Variants in PRG3 observed in about 807,000 individuals in gnomAD.
PRG3 encodes proteoglycan 3, pro eosinophil major basic protein 2.
Under a neutral mutation model 26.1 loss-of-function variants are expected in PRG3, and 25 were observed. The ratio of observed to expected loss-of-function variants is 0.96; its 90% CI spans 0.70 to 1.34. The LOEUF (loss-of-function observed/expected upper bound fraction) is 1.34, where lower values mean the gene tolerates loss of function less well. Ranked by LOEUF, PRG3 falls within the 40% of genes most tolerant of loss-of-function variation. The pLI is 0.00. For synonymous variants in PRG3, 111 were observed against 100.4 expected, an observed-to-expected ratio of 1.11 and a Z score of -0.63; for missense variants, 280 against 264.8, an observed-to-expected ratio of 1.06 and a Z score of -0.40.
At chr11:57,379,902 T>A (rs933920055) in intron 2 of PRG3, 95 bp from the exon 3 acceptor site, 3 of 1,175,282 alleles carry the variant, frequency 2.6e-6, no homozygotes, top group African/African-American at 1.5e-5. Context: ...TTCCTAGGAA[T>A]TCCACCTGAA....
chr11:57,380,804 T>G, intron 1 of PRG3, 23 bp from the exon 2 acceptor site: 1 of 836,118 alleles, frequency 1.2e-6, no homozygotes, highest in Non-Finnish European at 1.8e-6. Context: ...ATAGAGGGAA[T>G]ATTTGTTTAA....
chr11:57,379,328 G>A (rs1296576116), intron 3 of PRG3, among the ~76,000 whole-genome samples, 166 bp downstream of exon 3: 1 of 152,172 alleles, frequency 6.6e-6, no homozygotes, highest in Non-Finnish European at 1.5e-5. Flanking sequence ...TCCTAAATCA[G>A]AAGTCGTGCA....
rs532101046 is a variant in PRG3, at chr11:57,378,263, G to GA, written c.507+417dup. ...GAAGAAGGTCCCCATTTCAGGGATT[G>GA]AAAAAAAACAGAGGCTCCAAGAAAC... On this transcript the variant is annotated intron_variant, in intron 4 of 5. Transcript: ENST00000287143. Among the ~76,000 whole-genome samples, 7 of 151,614 alleles carry GA rather than the reference G, an allele frequency of 4.6e-5. No homozygotes were observed. The South Asian group carries it at 8.3e-4, about 18-fold the overall frequency.
intron 4 of PRG3, among the ~76,000 whole-genome samples, 153 bp downstream of exon 4, chr11:57,378,528 G>T (rs1856965269): frequency 2.0e-5 from 3 of 152,230 alleles, no homozygotes; most frequent in Admixed American, 2.0e-4. Flanking sequence ...TGCACCATCA[G>T]TTCTCCTGAG....
rs934744012 is a variant in PRG3 at position 57,380,666 on chromosome 11, CTG to C, written c.41_42del (p.Thr14SerfsTer9). 2.2e-5 allele frequency: 34 copies of C among 1,578,836 alleles called. No homozygotes were observed. Among genetic ancestry groups the C allele is most frequent in the Non-Finnish European group, 2.8e-5 (33 of 1,167,288 alleles). On this transcript the variant is annotated frameshift_variant, in exon 2 of 6. Transcript: ENST00000287143. LOFTEE classifies it high-confidence loss of function. ...LLLLPFLLLG[T>X]VSALHLENDA... is the part of the protein sequence containing the mutation. Reference sequence around the variant, plus strand: ...GACTTACCCAGATGAAGAGCAGAAACTGTTCCCAGCAGGAGAAAGGGCAGGAG... The same window carrying C: ...GACTTACCCAGATGAAGAGCAGAAACTTCCCAGCAGGAGAAAGGGCAGGAG...
intron 4 of PRG3, 83 bp from the exon 5 acceptor site, chr11:57,377,919 G>T: frequency 1.7e-6 from 2 of 1,147,458 alleles, no homozygotes; most frequent in Non-Finnish European, 2.5e-6. Flanking sequence ...TTCTCTCACT[G>T]CCTACCTGGC....
Position 57,378,732 on chromosome 11 carries a change from A to C in PRG3, c.456T>G (p.Thr152=). 6.2e-7 allele frequency: 1 copy of C among 1,613,774 alleles called. No homozygotes were observed. Among genetic ancestry groups the C allele is most frequent in the Non-Finnish European group, 8.5e-7 (1 of 1,179,878 alleles). Residue 152 remains threonine, a synonymous_variant, in exon 4 of 6, where the codon ACT becomes ACG. Coordinates refer to ENST00000287143, the MANE Select transcript of PRG3 (RefSeq NM_006093.4). ...FNFNYRIQCC[T]STVNQAQVWI... is the part of the protein sequence containing the mutation. Reference sequence around the variant, plus strand: ...AGACCTGGGCTTGGTTGACTGTGCTAGTGCAGCACTGAATGCGATAGTTGA... The same window carrying C: ...AGACCTGGGCTTGGTTGACTGTGCTCGTGCAGCACTGAATGCGATAGTTGA...
rs1856970477 is a variant in PRG3 at position 57,378,814 on chromosome 11, T to G, written c.376-2A>C. 1.2e-6 allele frequency: 2 copies of G among 1,613,560 alleles called. No homozygotes were observed. The highest frequency in any genetic ancestry group is 4.5e-5 in the East Asian group (2 of 44,884). On this transcript the variant is annotated splice_acceptor_variant, in intron 3 of 5. Coordinates refer to ENST00000287143, the MANE Select transcript of PRG3 (RefSeq NM_006093.4). LOFTEE classifies it high-confidence loss of function. ...TCCGTAGCATCTGCTGCAGACATTC[T>G]GCAGACGGAAACAAAGTAGAGAATT... is the stretch of plus-strand genomic sequence containing the variant.
chr11:57,377,483 G>A (rs989661461), intron 5 of PRG3, among the ~76,000 whole-genome samples: 4 of 152,072 alleles, frequency 2.6e-5, no homozygotes, highest in African/African-American at 9.7e-5. Context: ...TCATATCAAA[G>A]GAGGCAAAGA....
At chr11:57,379,365 A>G (rs1480077956) in intron 3 of PRG3, 129 bp downstream of exon 3, 1 of 988,008 alleles carries the variant, frequency 1.0e-6, no homozygotes, top group East Asian at 2.4e-5. Context: ...CTGTGTTTTA[A>G]CAACAACTCC....
At chr11:57,380,805 AT>A in intron 1 of PRG3, 24 bp from the exon 2 acceptor site, 1 of 828,592 alleles carries the variant, frequency 1.2e-6, no homozygotes, top group Non-Finnish European at 1.8e-6. Context: ...TAGAGGGAAT[AT>A]TTGTTTAATT....
chr11:57,377,486 G>A (rs984847185), intron 5 of PRG3, among the ~76,000 whole-genome samples: 13 of 152,112 alleles, frequency 8.5e-5, no homozygotes, highest in African/African-American at 2.9e-4. Flanking sequence ...TATCAAAGGA[G>A]GCAAAGAATT....
chr11:57,378,025 C>T (rs11229017), intron 4 of PRG3, among the ~76,000 whole-genome samples, 189 bp from the exon 5 acceptor site: 11,660 of 152,252 alleles, frequency 0.077, 542 homozygotes, highest in Non-Finnish European at 0.11. Context: ...GAGCAGGCTT[C>T]TCAAACTTTA....
intron 2 of PRG3, 36 bp from the exon 3 acceptor site, chr11:57,379,843 G>A: frequency 6.4e-7 from 1 of 1,558,858 alleles, no homozygotes; most frequent in Non-Finnish European, 8.7e-7. Flanking sequence ...CAGGTCAAGA[G>A]CTTCCTAGTT....
At position 57,379,689 on chromosome 11, in the gene PRG3, C is replaced by G. The variant is rs748300675; in HGVS notation, c.180G>C (p.Glu60Asp). ...AGGCAGAAGCCTTGACCTCCTCTCC[C>G]TCTGCCTGAATCACCTCCTCCGTCA... Reference protein sequence around the residue: ...LALTEEVIQAEGEEVKASACQ... With the variant: ...LALTEEVIQADGEEVKASACQ... Residue 60 changes from glutamate (E) to aspartate (D), a missense_variant, in exon 3 of 6, where the codon GAG becomes GAC. Physicochemically the swap from Glu to Asp is conservative, Grantham distance 45. Transcript: ENST00000287143. 8.1e-6 allele frequency: 13 copies of G among 1,614,000 alleles called. No individual in the cohort carries two copies. The highest frequency in any genetic ancestry group is 1.1e-5 in the South Asian group (1 of 91,078).
intron 4 of PRG3, 77 bp from the exon 5 acceptor site, chr11:57,377,913 C>G (rs1274839954): frequency 5.7e-6 from 7 of 1,224,864 alleles, no homozygotes; most frequent in Non-Finnish European, 8.2e-6. Context: ...GTTGACTTCT[C>G]TCACTGCCTA....
rs2134463533 is a variant in PRG3, at chr11:57,378,664, T to C, written c.507+17A>G. ...CAGAAAGAACTTACTGCACCCAAGATTTGGCCCCTGACTTACCCAGCCCCT... is the reference window on the plus strand; with the variant it reads ...CAGAAAGAACTTACTGCACCCAAGACTTGGCCCCTGACTTACCCAGCCCCT... On this transcript the variant is annotated intron_variant, in intron 4 of 5. Transcript: ENST00000287143. The C allele has an allele frequency of 6.2e-7, 1 of 1,610,938 alleles. No individual in the cohort carries two copies. Among genetic ancestry groups the C allele is most frequent in the Non-Finnish European group, 8.5e-7 (1 of 1,177,766 alleles).
At position 57,378,050 on chromosome 11, in the gene PRG3, T is replaced by A. The variant is rs546033673; in HGVS notation, c.508-214A>T. ...CTCAAACTTTACTGTGCGTACGTTA[T>A]CTCCTGGGGATCTTGTTAAAATGGA... is the stretch of plus-strand genomic sequence containing the variant. On this transcript the variant is annotated intron_variant, in intron 4 of 5. Transcript: ENST00000287143. Among the ~76,000 whole-genome samples, 8 of 152,290 alleles carry A rather than the reference T, an allele frequency of 5.3e-5. No individual in the cohort carries two copies. In the East Asian group the frequency reaches 1.5e-3, roughly 29 times the overall value.
intron 3 of PRG3, 128 bp from the exon 4 acceptor site, chr11:57,378,940 G>C (rs1427364356): frequency 1.9e-6 from 2 of 1,053,700 alleles, no homozygotes; most frequent in African/African-American, 1.6e-5. Flanking sequence ...CCTATCTTTT[G>C]CTTCTTAATT....
Sources: allele counts gnomAD v4.1 joint callset (sites outside exome capture counted in the v4.1 genomes callset), GRCh38; gene constraint gnomAD v4.1.1; transcripts MANE v1.5; gene names NCBI Gene and HGNC (gene_info 2026-07-23, HGNC 2026-07-21).